Variants in WDFY3 observed in about 807,000 individuals in gnomAD.
The protein encoded by WDFY3 is WD repeat and FYVE domain containing 3.
A neutral mutation model predicts 409.6 loss-of-function variants in WDFY3; 66 were observed. The observed-to-expected ratio is 0.16, with a 90% CI of 0.13 to 0.20. The LOEUF (loss-of-function observed/expected upper bound fraction) is 0.20, where lower values mean the gene tolerates loss of function less well. Ranked by LOEUF, WDFY3 falls within the 10% of genes least tolerant of loss-of-function variation. The probability of loss-of-function intolerance (pLI) is 1.00; values close to 1 mark genes in which losing one functional copy is unlikely to be tolerated. For missense variants in WDFY3, 3,031 were observed against 4,298.1 expected (o/e 0.71, Z 8.24); for synonymous variants, 1,521 against 1,537.1 (o/e 0.99, Z 0.25).
At chr4:84,886,394 G>A (rs1441599352) in intron 3 of WDFY3, 1 of 150,550 alleles carries the variant, frequency 6.6e-6, no homozygotes. Context: ...TTCCTTTAAT[G>A]GAATGCTTCA....
rs775152423 is a variant in WDFY3, at chr4:84,810,127, T to C, written c.2105A>G (p.Asn702Ser). Residue 702 changes from asparagine (N) to serine (S), a missense_variant, in exon 14 of 68, where the codon AAC (asparagine) becomes AGC (serine). Asn to Ser is a conservative substitution (Grantham distance 46). Around this residue, in one of 16 missense-constraint regions of WDFY3, gnomAD observed 1,322 missense variants for 1,697.9 expected, o/e 0.78. Transcript: ENST00000295888. ...AATCTCTGTTTTGAAGAAATGAGAGTTGGCTGGCTCATAGCGCATTGCTGC... is the reference window on the plus strand; with the variant it reads ...AATCTCTGTTTTGAAGAAATGAGAGCTGGCTGGCTCATAGCGCATTGCTGC... ...LTAAMRYEPANSHFFKTEIQY... is the reference protein window; with the variant it reads ...LTAAMRYEPASSHFFKTEIQY... 3.1e-6 allele frequency: 5 copies of C among 1,614,054 alleles called. No individual in the cohort carries two copies. The South Asian group carries it at 4.4e-5, about 14-fold the overall frequency.
chr4:84,764,625 G>C (rs1743287222), intron 32 of WDFY3, among the ~76,000 whole-genome samples: 1 of 152,128 alleles, frequency 6.6e-6, no homozygotes, highest in African/African-American at 2.4e-5. Flanking sequence ...ACTTTAGGAG[G>C]CGAAGGCGGG....
In WDFY3 at chr4:84,894,582, T is replaced by C. The variant is rs1051368340; in HGVS notation, c.-32+2329A>G. On this transcript the variant is annotated intron_variant, in intron 3 of 67. Transcript: ENST00000295888. ...CAGGTGGATCACCTGAGGTCAGGAG[T>C]TCGAGAGCAGCCTGGCCAACATAGT... 3.0e-4 allele frequency among the ~76,000 whole-genome samples: 46 copies of C among 151,332 alleles called. 1 individual carries two copies. Among genetic ancestry groups the C allele is most frequent in the African/African-American group, 1.1e-3 (44 of 41,212 alleles).
intron 1 of WDFY3, among the ~76,000 whole-genome samples, chr4:84,944,690 T>C (rs1017005773): frequency 3.3e-5 from 5 of 150,594 alleles, no homozygotes; most frequent in African/African-American, 1.2e-4. Flanking sequence ...CCAGGCATGG[T>C]GGCTAAGACA....
At chr4:84,822,884 CT>C (rs1194862957) in intron 10 of WDFY3, among the ~76,000 whole-genome samples, 1 of 152,108 alleles carries the variant, frequency 6.6e-6, no homozygotes, top group Non-Finnish European at 1.5e-5. Flanking sequence ...TTTCCTGTGT[CT>C]ATCAGTCTAT....
rs70943375 is a variant in WDFY3 at position 84,868,171 on chromosome 4, C to CAA, written c.-31-7551_-31-7550dup. Among the ~76,000 whole-genome samples, 39 of 38,454 alleles carry CAA rather than the reference C, an allele frequency of 1.0e-3. 2 individuals are homozygous for CAA. Among genetic ancestry groups the CAA allele is most frequent in the African/African-American group, 2.0e-3 (20 of 9,936 alleles). The allele number at this position is 38,454 out of a possible 152,430, so 25.2% of individuals were successfully genotyped here. A position where few individuals can be genotyped will look rare whatever the true frequency, so the allele number is the denominator to read the frequency against. On this transcript the variant is annotated intron_variant, in intron 3 of 67. Coordinates refer to ENST00000295888, the MANE Select transcript of WDFY3 (RefSeq NM_014991.6). ...TGGGTGACAGAGCGAGACTCTGTCT[C>CAA]AAAAAAAAAAAAAAAAAAAAAAAAA...
chr4:84,794,796 A>T, intron 20 of WDFY3, 59 bp from the exon 21 acceptor site: 1 of 1,520,452 alleles, frequency 6.6e-7, no homozygotes. Context: ...TTTTTAAAAG[A>T]TGCCAACAAA....
Position 84,844,615 on chromosome 4 carries a change from G to A in WDFY3, c.305-3352C>T, listed in dbSNP as rs1203442020. 5.3e-6 allele frequency: 5 copies of A among 940,070 alleles called. No homozygotes were observed. In the Admixed American group the frequency reaches 1.4e-4, roughly 26 times the overall value. The allele number at this position is 940,070 out of a possible 1,614,324, so 58.2% of individuals were successfully genotyped here. On this transcript the variant is annotated intron_variant, in intron 5 of 67. Transcript: ENST00000295888. ...ACATCATCCAGTCTCTCCATTGCTG[G>A]ATTGCTGCCCATATTGGGGATTGCA... is the stretch of plus-strand genomic sequence containing the variant.
chr4:84,926,210 G>GAA (rs1367582174), intron 2 of WDFY3, among the ~76,000 whole-genome samples: 1 of 71,572 alleles, frequency 1.4e-5, no homozygotes, highest in South Asian at 4.5e-4. Flanking sequence ...GTCTCTAAAA[G>GAA]AAAAAAAAAA....
At chr4:84,677,989 AAAAAG>A (rs1157260578) in intron 66 of WDFY3, among the ~76,000 whole-genome samples, 174 bp downstream of exon 66, 3 of 148,268 alleles carry the variant, frequency 2.0e-5, no homozygotes, top group Non-Finnish European at 4.5e-5. Context: ...AAAAAAAAAG[AAAAAG>A]AAAAGAAAAA....
chr4:84,838,393 C>T (rs1286906293), intron 6 of WDFY3, among the ~76,000 whole-genome samples: 1 of 152,178 alleles, frequency 6.6e-6, no homozygotes, highest in African/African-American at 2.4e-5. Flanking sequence ...TGCTCAATGA[C>T]TTATGAAAAT....
chr4:84,853,755 G>A (rs114706313), intron 4 of WDFY3, among the ~76,000 whole-genome samples: 2,753 of 152,236 alleles, frequency 0.018, 39 homozygotes, highest in Non-Finnish European at 0.028. Flanking sequence ...GTTCTGACAA[G>A]ATAAATAAAA....
Position 84,766,275 on chromosome 4 carries a change from T to C in WDFY3, c.4947A>G (p.Lys1649=). 6.3e-7 allele frequency: 1 copy of C among 1,590,010 alleles called. No individual in the cohort carries two copies. The highest frequency in any genetic ancestry group is 8.6e-7 in the Non-Finnish European group (1 of 1,169,130). Residue 1649 remains lysine (K), a synonymous_variant, in exon 31 of 68, where the codon AAA becomes AAG. Transcript: ENST00000295888. ...ACTGCAAATTAATGCTTGTCTTTTCTTTAGATGTATAAATTAGTTTTAGCA... is the reference window on the plus strand; with the variant it reads ...ACTGCAAATTAATGCTTGTCTTTTCCTTAGATGTATAAATTAGTTTTAGCA... ...DILLKLIYTS[K]EKTSINLQAC...
At chr4:84,709,211 G>T in intron 52 of WDFY3, 82 bp downstream of exon 52, 1 of 1,427,228 alleles carries the variant, frequency 7.0e-7, no homozygotes, top group Non-Finnish European at 9.6e-7. Context: ...TATATTTTAT[G>T]GATAATTAAA....
chr4:84,733,508 G>T lies in WDFY3; in HGVS notation c.7095C>A (p.His2365Gln), dbSNP rs1357958669. 1.4e-5 allele frequency: 22 copies of T among 1,613,882 alleles called. No individual in the cohort carries two copies. Among genetic ancestry groups the T allele is most frequent in the Non-Finnish European group, 1.9e-5 (22 of 1,180,008 alleles). Residue 2365 changes from histidine (H) to glutamine (Q), a missense_variant, in exon 44 of 68, where the codon CAC becomes CAA. By Grantham distance (24) the His-to-Gln change is conservative. Transcript: ENST00000295888. ...RGLWGPPIGS[H>Q]LDKWMLEMTE... Reference sequence around the variant, plus strand: ...TCATCTCCAGCATCCACTTGTCGAGGTGGGAGCCGATGGGAGGGCCCCACA... The same window carrying T: ...TCATCTCCAGCATCCACTTGTCGAGTTGGGAGCCGATGGGAGGGCCCCACA...
intron 10 of WDFY3, among the ~76,000 whole-genome samples, chr4:84,824,606 G>C (rs1405499226): frequency 6.6e-6 from 1 of 152,168 alleles, no homozygotes; most frequent in African/African-American, 2.4e-5. Flanking sequence ...GGGGAGGACT[G>C]ACTGCAAGGA....
At chr4:84,883,730 T>G (rs1011186112) in intron 3 of WDFY3, among the ~76,000 whole-genome samples, 1 of 152,174 alleles carries the variant, frequency 6.6e-6, no homozygotes, top group African/African-American at 2.4e-5. Flanking sequence ...AGGGAAAGAC[T>G]ATAAAACTGA....
At chr4:84,911,948 T>C (rs1767852185) in intron 2 of WDFY3, among the ~76,000 whole-genome samples, 1 of 152,196 alleles carries the variant, frequency 6.6e-6, no homozygotes, top group South Asian at 2.1e-4. Flanking sequence ...ACTACCAAAA[T>C]AACTTCGTAG....
At chr4:84,904,149 T>C (rs1766700588) in intron 2 of WDFY3, among the ~76,000 whole-genome samples, 1 of 152,190 alleles carries the variant, frequency 6.6e-6, no homozygotes, top group Admixed American at 6.5e-5. Context: ...AACCAGGAAG[T>C]GGGCCCTCAC....
Sources: allele counts gnomAD v4.1 joint callset (sites outside exome capture counted in the v4.1 genomes callset), GRCh38; gene constraint gnomAD v4.1.1; regional missense constraint gnomAD v4.1.1; transcripts MANE v1.5; gene names NCBI Gene and HGNC (gene_info 2026-07-23, HGNC 2026-07-21).